DAPP1: variants seen among roughly 807,000 people sequenced by gnomAD.
DAPP1 encodes dual adapter for phosphotyrosine and 3-phosphotyrosine and 3-phosphoinositide.
A neutral mutation model predicts 41.5 loss-of-function variants in DAPP1; 20 were observed. The ratio of observed to expected loss-of-function variants is 0.48; its 90% CI spans 0.34 to 0.70. DAPP1 has a LOEUF of 0.70. DAPP1 is among the 30% of genes least tolerant of loss of function. DAPP1 has a pLI of 0.01. For missense variants in DAPP1, 233 were observed against 333.4 expected (o/e 0.70, Z 2.35); for synonymous variants, 113 against 116.2 (o/e 0.97, Z 0.18).
At position 99,825,688 on chromosome 4, in the gene DAPP1, C is replaced by T. The variant is rs1722915292; in HGVS notation, c.101+8674C>T. On this transcript the variant is annotated intron_variant, in intron 1 of 8. Transcript: ENST00000512369. ...AGACTCTAGAGAATCTTTCTTTGGC[C>T]TCCCCTGTATATCACACTACACCTG... Among the ~76,000 whole-genome samples the T allele has an allele frequency of 1.3e-5, 2 of 152,190 alleles. 1 individual carries two copies. Among genetic ancestry groups the T allele is most frequent in the South Asian group, 4.1e-4 (2 of 4,832 alleles).
Position 99,863,796 on chromosome 4 carries a change from C to T in DAPP1, c.627C>T (p.Asp209=). 6.3e-7 allele frequency: 1 copy of T among 1,598,406 alleles called. No individual in the cohort carries two copies. The highest frequency in any genetic ancestry group is 8.5e-7 in the Non-Finnish European group (1 of 1,171,848). The part of the protein sequence containing the change: ...QMSPEPIRIL[D]LTECSAVQFD... Reference sequence around the variant, plus strand: ...CACCAGAACCAATTCGGATCCTAGACCTAACAGAATGTTCAGCTGTACAAT... The same window carrying T: ...CACCAGAACCAATTCGGATCCTAGATCTAACAGAATGTTCAGCTGTACAAT... Residue 209 remains aspartate, a synonymous_variant, in exon 7 of 9, where the codon GAC becomes GAT. Coordinates refer to ENST00000512369, the MANE Select transcript of DAPP1 (RefSeq NM_014395.3).
rs1407598642 is a variant in DAPP1 at position 99,869,468 on chromosome 4, G to A, written c.*1283G>A. The A allele has an allele frequency of 6.6e-6, 1 of 152,204 alleles. No individual in the cohort carries two copies. The highest frequency in any genetic ancestry group is 1.5e-5 in the Non-Finnish European group (1 of 68,042). 9.4% of individuals were successfully genotyped at this position (152,204 alleles called of 1,614,324 possible). Reference sequence around the variant, plus strand: ...AGCTATGATATAAACTGCTCTTGCAGTCCAAAGGGATACCTGATTAAAGAA... The same window carrying A: ...AGCTATGATATAAACTGCTCTTGCAATCCAAAGGGATACCTGATTAAAGAA... On this transcript the variant is annotated 3_prime_UTR_variant, in exon 9 of 9. Transcript: ENST00000512369.
chr4:99,827,358 C>A (rs570767085), intron 1 of DAPP1, among the ~76,000 whole-genome samples: 13 of 151,978 alleles, frequency 8.6e-5, no homozygotes, highest in African/African-American at 3.1e-4. Context: ...CAAGGTGAAA[C>A]CCCGTCTCTA....
intron 4 of DAPP1, among the ~76,000 whole-genome samples, chr4:99,859,795 C>T (rs960848577): frequency 2.0e-5 from 3 of 152,212 alleles, no homozygotes; most frequent in Admixed American, 6.5e-5. Context: ...GTAGCTGCCA[C>T]CTCCACCCCT....
At chr4:99,831,554 A>G (rs1723120983) in intron 1 of DAPP1, among the ~76,000 whole-genome samples, 1 of 152,058 alleles carries the variant, frequency 6.6e-6, no homozygotes, top group Non-Finnish European at 1.5e-5. Context: ...TAGATTTCTT[A>G]CTCTTACAAA....
At chr4:99,820,539 G>A (rs974969571) in intron 1 of DAPP1, among the ~76,000 whole-genome samples, 1 of 152,360 alleles carries the variant, frequency 6.6e-6, no homozygotes, top group Non-Finnish European at 1.5e-5. Flanking sequence ...ATCGAAAGTT[G>A]TATAAGAAAG....
intron 3 of DAPP1, among the ~76,000 whole-genome samples, chr4:99,848,472 G>A (rs539794290): frequency 6.7e-5 from 10 of 149,592 alleles, no homozygotes; most frequent in South Asian, 2.1e-4. Context: ...CTTGTGATCC[G>A]TATGCCTCGG....
chr4:99,818,941 G>C (rs1354370613), intron 1 of DAPP1, among the ~76,000 whole-genome samples: 1 of 152,250 alleles, frequency 6.6e-6, no homozygotes, highest in East Asian at 1.9e-4. Context: ...TCCAAAGTGA[G>C]ACCCTAGGTT....
chr4:99,863,940 T>A, intron 7 of DAPP1, 85 bp downstream of exon 7: 2 of 902,328 alleles, frequency 2.2e-6, no homozygotes, highest in Non-Finnish European at 3.4e-6. Flanking sequence ...CTGTATATCT[T>A]AATGTCTACA....
intron 1 of DAPP1, among the ~76,000 whole-genome samples, chr4:99,828,926 T>A (rs1578347665): frequency 6.6e-6 from 1 of 152,184 alleles, no homozygotes; most frequent in African/African-American, 2.4e-5. Context: ...AAATGGAGAC[T>A]ATTAACATTC....
chr4:99,848,952 A>C (rs926517605), intron 3 of DAPP1, among the ~76,000 whole-genome samples: 7 of 152,212 alleles, frequency 4.6e-5, no homozygotes, highest in African/African-American at 1.7e-4. Flanking sequence ...AGGGGAAATC[A>C]TTAAGCCTCA....
chr4:99,861,468 A>G, intron 4 of DAPP1, 110 bp from the exon 5 acceptor site: 1 of 1,163,086 alleles, frequency 8.6e-7, no homozygotes, highest in African/African-American at 1.5e-5. Context: ...GATAGACAGT[A>G]ATTTAAAGAT....
At position 99,816,912 on chromosome 4, in the gene DAPP1, G is replaced by A. The variant is rs1293778685; in HGVS notation, c.-2G>A. 1.2e-5 allele frequency: 20 copies of A among 1,604,492 alleles called. No homozygotes were observed. Among genetic ancestry groups the A allele is most frequent in the East Asian group, 2.3e-5 (1 of 44,376 alleles). On this transcript the variant is annotated 5_prime_UTR_variant, in exon 1 of 9. Transcript: ENST00000512369. Reference sequence around the variant, plus strand: ...CTCTCTCTACCTCTGTGAAGGGCGCGAATGGGCAGAGCAGAACTTCTAGAA... The same window carrying A: ...CTCTCTCTACCTCTGTGAAGGGCGCAAATGGGCAGAGCAGAACTTCTAGAA...
rs116613938 is a variant in DAPP1 at position 99,855,394 on chromosome 4, T to C, written c.489+2046T>C. 2.3e-3 allele frequency among the ~76,000 whole-genome samples: 357 copies of C among 152,350 alleles called. 1 individual carries two copies. Among genetic ancestry groups the C allele is most frequent in the Non-Finnish European group, 3.1e-3 (213 of 68,038 alleles). ...TGCAGATAATACCTAATTTGTGAGA[T>C]TGGTGTGAGCAGAAGATATAGTATC... On this transcript the variant is annotated intron_variant, in intron 4 of 8. Transcript: ENST00000512369.
At chr4:99,825,858 C>A (rs1722919961) in intron 1 of DAPP1, among the ~76,000 whole-genome samples, 1 of 152,168 alleles carries the variant, frequency 6.6e-6, no homozygotes, top group South Asian at 2.1e-4. Flanking sequence ...GTGGGCAACA[C>A]CATCTTTCTT....
chr4:99,858,543 T>C (rs1282441437), intron 4 of DAPP1, among the ~76,000 whole-genome samples: 1 of 152,198 alleles, frequency 6.6e-6, no homozygotes, highest in Non-Finnish European at 1.5e-5. Context: ...CCCTTTGTTA[T>C]TAAAAAATGT....
chr4:99,857,131 A>G (rs900334031), intron 4 of DAPP1, among the ~76,000 whole-genome samples: 7 of 152,204 alleles, frequency 4.6e-5, no homozygotes, highest in African/African-American at 1.7e-4. Flanking sequence ...GTAGAGAATT[A>G]TCTTGCCCAA....
intron 3 of DAPP1, among the ~76,000 whole-genome samples, chr4:99,852,138 C>T (rs1160757434): frequency 3.3e-5 from 5 of 152,106 alleles, no homozygotes; most frequent in Non-Finnish European, 7.4e-5. Context: ...CTACCTAGAA[C>T]ATAAGCTCGA....
chr4:99,857,735 C>CAT (rs543396105), intron 4 of DAPP1, among the ~76,000 whole-genome samples: 150 of 145,364 alleles, frequency 1.0e-3, no homozygotes, highest in African/African-American at 3.8e-3. Context: ...CACACACACA[C>CAT]ATAAAATAAT....
Sources: allele counts gnomAD v4.1 joint callset (sites outside exome capture counted in the v4.1 genomes callset), GRCh38; gene constraint gnomAD v4.1.1; transcripts MANE v1.5; gene names NCBI Gene and HGNC (gene_info 2026-07-23, HGNC 2026-07-21).